The following NLRP1 variants were observed in gnomAD, a reference collection of about 807,000 sequenced individuals.
The protein encoded by NLRP1 is NLR family pyrin domain containing 1, also known as NACHT, LRR and PYD domains-containing protein 1.
In NLRP1, 94 loss-of-function variants were observed where a neutral mutation model predicts 136.7. That is an observed-to-expected ratio of 0.69 (90% CI 0.58 to 0.82). The LOEUF (loss-of-function observed/expected upper bound fraction) is 0.82, where lower values mean the gene tolerates loss of function less well. Ranked by LOEUF, NLRP1 falls within the 40% of genes least tolerant of loss-of-function variation. NLRP1 has a pLI of 0.00. For synonymous variants in NLRP1, 690 were observed against 725.1 expected (o/e 0.95, Z 0.78); for missense variants, 1,575 against 1,802.7 (o/e 0.87, Z 2.29).
intron 3 of NLRP1, among the ~76,000 whole-genome samples, chr17:5,578,256 A>G (rs1232918531): frequency 6.6e-6 from 1 of 152,268 alleles, no homozygotes; most frequent in Non-Finnish European, 1.5e-5. Context: ...CAAAATTGAC[A>G]TATGAGATCT....
At chr17:5,530,444 A>C in intron 12 of NLRP1, 37 bp downstream of exon 12, 1 of 1,573,784 alleles carries the variant, frequency 6.4e-7, no homozygotes, top group Non-Finnish European at 8.7e-7. Context: ...GCCCATAATT[A>C]CCACCACCTT....
At chr17:5,507,756 G>A (rs566798622) in intron 15 of NLRP1, among the ~76,000 whole-genome samples, 14 of 150,794 alleles carry the variant, frequency 9.3e-5, no homozygotes, top group South Asian at 2.1e-4. Context: ...GCTTGAACTC[G>A]GGAGGCGGGG....
At chr17:5,558,258 T>C (rs569624428) in intron 4 of NLRP1, 81 bp downstream of exon 4, 43 of 1,476,446 alleles carry the variant, frequency 2.9e-5, no homozygotes, top group Admixed American at 2.9e-4. Flanking sequence ...CCAGGCTCAG[T>C]GAGCATGCCT....
At chr17:5,535,277 T>C (rs1182952659) in intron 8 of NLRP1, among the ~76,000 whole-genome samples, 3 of 151,816 alleles carry the variant, frequency 2.0e-5, no homozygotes, top group Non-Finnish European at 2.9e-5. Flanking sequence ...ATTCAGTGGG[T>C]CTGGAGTGGG....
In NLRP1 at chr17:5,582,758, C is replaced by T; in HGVS notation, c.360G>A (p.Trp120Ter). Residue 120 changes from tryptophan to a stop codon, truncating the protein, a stop_gained, in exon 2 of 17, where the codon TGG becomes TGA. Transcript: ENST00000572272. LOFTEE classifies it high-confidence loss of function. Reference sequence around the variant, plus strand: ...TGCACCCCGCCGGCAATTCATGGATCCAGGGCATTAGCACTGCGGTGGAGG... The same window carrying T: ...TGCACCCCGCCGGCAATTCATGGATTCAGGGCATTAGCACTGCGGTGGAGG... ...QPTSTAVLMP[W>*]IHELPAGCTQ... 1 of 1,614,136 alleles carries T rather than the reference C, an allele frequency of 6.2e-7. No homozygotes were observed.
At chr17:5,571,307 G>C (rs955371746) in intron 3 of NLRP1, among the ~76,000 whole-genome samples, 3 of 152,156 alleles carry the variant, frequency 2.0e-5, no homozygotes, top group African/African-American at 4.8e-5. Context: ...AGGAGGAGAG[G>C]AAGTCAAAGT....
At position 5,504,491 on chromosome 17, in the gene NLRP1, ATGCCTGTAATCCCAGCTACT is replaced by A. The variant is rs1907240711; in HGVS notation, c.4070-2639_4070-2620del. 6.6e-6 allele frequency: 1 copy of A among 152,538 alleles called. No homozygotes were observed. Among genetic ancestry groups the A allele is most frequent in the Non-Finnish European group, 1.5e-5 (1 of 68,332 alleles). The allele number at this position is 152,538 out of a possible 1,614,324, so 9.4% of individuals were successfully genotyped here. ...AAAAATTAGCCGGGCATAGTGGCAC[ATGCCTGTAATCCCAGCTACT>A]TGGGAGGCTGAGGCACGAGAATCGC... is the stretch of plus-strand genomic sequence containing the variant. On this transcript the variant is annotated intron_variant, in intron 15 of 15. Coordinates refer to the NLRP1 transcript ENST00000262467. This position sits in a 1 kb window ranked among gnomAD's most constrained non-coding sequence, Gnocchi z 4.4.
chr17:5,553,126 T>C (rs1002567500), intron 5 of NLRP1, among the ~76,000 whole-genome samples: 2 of 152,204 alleles, frequency 1.3e-5, no homozygotes, highest in African/African-American at 4.8e-5. Flanking sequence ...TCTCTTTTCC[T>C]GGAACTTTTT....
chr17:5,535,934 G>T (rs1157332834), intron 8 of NLRP1, among the ~76,000 whole-genome samples: 1 of 152,166 alleles, frequency 6.6e-6, no homozygotes, highest in Admixed American at 6.5e-5. Flanking sequence ...TGGTGGTGAG[G>T]GTGGTGGGTG....
chr17:5,514,729 A>C lies in NLRP1; in HGVS notation c.*25T>G, dbSNP rs1241609085. 1.9e-6 allele frequency: 3 copies of C among 1,608,914 alleles called. No individual in the cohort carries two copies. In the African/African-American group the frequency reaches 4.0e-5, roughly 22 times the overall value. On this transcript the variant is annotated 3_prime_UTR_variant, in exon 17 of 17. Transcript: ENST00000572272. ...AAGGGTCAGCCAAAGCCAGGACTCA[A>C]GGGTCAAGGGCTGGTGTTGATACTT...
intron 15 of NLRP1, among the ~76,000 whole-genome samples, chr17:5,507,595 C>T (rs192975360): frequency 8.9e-4 from 136 of 152,014 alleles, no homozygotes; most frequent in African/African-American, 2.8e-3. Flanking sequence ...GAGGCCGAGG[C>T]GGGTAGATCA....
Position 5,530,465 on chromosome 17 carries a change from C to T in NLRP1, c.3520+16G>A. 1 of 1,605,846 alleles carries T rather than the reference C, an allele frequency of 6.2e-7. No individual in the cohort carries two copies. Among genetic ancestry groups the T allele is most frequent in the South Asian group, 1.1e-5 (1 of 90,894 alleles). On this transcript the variant is annotated intron_variant, in intron 12 of 16. Coordinates refer to ENST00000572272, the MANE Select transcript of NLRP1 (RefSeq NM_033004.4). ...AATTACCACCACCTTCCTCCCTATC[C>T]TTCCCTGTTGTTTACCTTGGAGAGC... is the stretch of plus-strand genomic sequence containing the variant.
exon 16 of NLRP1, chr17:5,501,674 G>C (rs199928580): frequency 1.6e-6 from 1 of 634,072 alleles, no homozygotes; most frequent in Non-Finnish European, 2.8e-6. Flanking sequence ...TGAGCATCTC[G>C]CATATGATTA....
At chr17:5,564,734 GT>G (rs59428190) in intron 3 of NLRP1, among the ~76,000 whole-genome samples, 448 of 97,802 alleles carry the variant, frequency 4.6e-3, no homozygotes, top group African/African-American at 6.9e-3. Context: ...AATTTTTAGT[GT>G]TTTTTTTTTT....
intron 3 of NLRP1, among the ~76,000 whole-genome samples, chr17:5,567,607 C>T (rs1012779951): frequency 2.7e-4 from 41 of 152,172 alleles, no homozygotes; most frequent in African/African-American, 9.9e-4. Context: ...TTATACACCA[C>T]AGTTACAGTG....
intron 10 of NLRP1, 27 bp downstream of exon 10, chr17:5,533,277 A>G: frequency 1.3e-6 from 2 of 1,551,794 alleles, no homozygotes; most frequent in East Asian, 2.4e-5. Context: ...TCAAAAGATG[A>G]AAGGGGCCAG....
Position 5,541,500 on chromosome 17 carries a change from G to A in NLRP1, c.2699+357C>T, listed in dbSNP as rs1184167845. 6.6e-6 allele frequency among the ~76,000 whole-genome samples: 1 copy of A among 152,206 alleles called. No homozygotes were observed. The highest frequency in any genetic ancestry group is 1.5e-5 in the Non-Finnish European group (1 of 68,040). ...GGCAGATCACAGCTCGTGGGAACAG[G>A]AGAAGAATAGAAAAACACTGCTGCA... is the stretch of plus-strand genomic sequence containing the variant. On this transcript the variant is annotated intron_variant, in intron 6 of 16. Transcript: ENST00000572272. The surrounding 1 kb of genome is among the most constrained non-coding windows in gnomAD (Gnocchi z 4.2).
Position 5,514,830 on chromosome 17 carries a change from T to G in NLRP1, c.4346A>C (p.Lys1449Thr). The G allele has an allele frequency of 3.1e-6, 5 of 1,614,124 alleles. No homozygotes were observed. The highest frequency in any genetic ancestry group is 1.6e-4 in the Middle Eastern group (1 of 6,062). Residue 1449 changes from lysine to threonine, a missense_variant, in exon 17 of 17, where the codon AAG becomes ACG. Physicochemically the swap from Lys to Thr is moderately conservative, Grantham distance 78. Coordinates refer to ENST00000572272, the MANE Select transcript of NLRP1 (RefSeq NM_033004.4). ...KCKDGLYQAL[K>T]ETHPHLIMEL... ...CATAATGAGGTGAGGATGGGTCTCC[T>G]TCAGGGCTTGGTAGAGTCCATCTTT...
At chr17:5,509,058 A>G (rs1179205317) in intron 15 of NLRP1, among the ~76,000 whole-genome samples, 3 of 152,228 alleles carry the variant, frequency 2.0e-5, no homozygotes, top group Admixed American at 2.0e-4. Context: ...ATGGCCCCGC[A>G]TTGCCTAGCA....
Sources: allele counts gnomAD v4.1 joint callset (sites outside exome capture counted in the v4.1 genomes callset), GRCh38; gene constraint gnomAD v4.1.1; non-coding constraint Gnocchi (gnomAD v3.1); transcripts MANE v1.5; gene names NCBI Gene and HGNC (gene_info 2026-07-23, HGNC 2026-07-21).